UBE2C: variants seen among roughly 807,000 people sequenced by gnomAD.
UBE2C encodes the protein ubiquitin-conjugating enzyme E2 C.
UBE2C carries 16 observed loss-of-function variants against 23.5 expected under a neutral mutation model. The observed-to-expected ratio is 0.68, with a 90% CI of 0.46 to 1.03. The LOEUF is 1.03. Ranked by LOEUF, UBE2C falls within the 50% of genes least tolerant of loss-of-function variation. The pLI is 0.00. For missense variants in UBE2C, 192 were observed against 227.6 expected (o/e 0.84, Z 1.01); for synonymous variants, 76 against 91.6 (o/e 0.83, Z 0.97).
At chr20:45,812,889 C>A in intron 1 of UBE2C, 93 bp downstream of exon 1, 1 of 1,455,108 alleles carries the variant, frequency 6.9e-7, no homozygotes, top group Non-Finnish European at 9.1e-7. Flanking sequence ...CCGCCGCCAC[C>A]TCCTGGAGCG....
In UBE2C at chr20:45,816,288, T is replaced by C. The variant is rs529657358; in HGVS notation, c.481+375T>C. Among the ~76,000 whole-genome samples, 6 of 152,194 alleles carry C rather than the reference T, an allele frequency of 3.9e-5. No homozygotes were observed. In the East Asian group the frequency reaches 1.2e-3, roughly 29 times the overall value. On this transcript the variant is annotated intron_variant, in intron 5 of 5. Transcript: ENST00000356455. ...AATGCCGGGCTGGGAAACCAGCCCC[T>C]CCTCCACCTCCTCCGACCTTTGCAT...
chr20:45,814,146 C>CTCTCTCTATATATATATA (rs1158772080), intron 2 of UBE2C, among the ~76,000 whole-genome samples: 1 of 133,898 alleles, frequency 7.5e-6, no homozygotes, highest in African/African-American at 2.7e-5. Flanking sequence ...CTCTCTCTCT[C>CTCTCTCTATATATATATA]TATATATATA....
intron 1 of UBE2C, chr20:45,813,219 A>G (rs926896503): frequency 6.9e-7 from 1 of 1,454,808 alleles, no homozygotes; most frequent in Non-Finnish European, 9.0e-7. Context: ...AATTAAGAAC[A>G]TGCCAGAATC....
intron 5 of UBE2C, among the ~76,000 whole-genome samples, chr20:45,816,248 G>A (rs1378796222): frequency 3.3e-5 from 5 of 152,164 alleles, no homozygotes; most frequent in South Asian, 2.1e-4. Flanking sequence ...CTGCCTAGAT[G>A]GGCAGTGCAG....
At chr20:45,814,301 A>AT (rs1568714809) in intron 2 of UBE2C, 83 bp from the exon 3 acceptor site, 3 of 469,808 alleles carry the variant, frequency 6.4e-6, no homozygotes, top group African/African-American at 5.5e-5. Flanking sequence ...TATATATATA[A>AT]AATTAAGGGG....
chr20:45,813,157 C>G, intron 1 of UBE2C: 2 of 1,403,376 alleles, frequency 1.4e-6, no homozygotes, highest in Non-Finnish European at 1.8e-6. Context: ...TTGGCCGAGA[C>G]AGGGGAAGGG....
chr20:45,815,295 G>T, intron 3 of UBE2C: 1 of 1,352,364 alleles, frequency 7.4e-7, no homozygotes. Flanking sequence ...GAGGCAGGCA[G>T]ATCACATGAG....
chr20:45,815,713 C>G lies in UBE2C; in HGVS notation c.389C>G (p.Thr130Ser), dbSNP rs371311367. 1 of 1,613,870 alleles carries G rather than the reference C, an allele frequency of 6.2e-7. No homozygotes were observed. The highest frequency in any genetic ancestry group is 8.5e-7 in the Non-Finnish European group (1 of 1,179,958). Residue 130 changes from threonine to serine, a missense_variant, in exon 4 of 6, where the codon ACC (threonine) becomes AGC (serine). Physicochemically the swap from Thr to Ser is moderately conservative, Grantham distance 58. Coordinates refer to ENST00000356455, the MANE Select transcript of UBE2C (RefSeq NM_007019.4). ...TGGTCTGCCCTGTATGATGTCAGGA[C>G]CATTCTGCTCTCCATCCAGAGCCTT... ...EKWSALYDVR[T>S]ILLSIQSLLG...
Position 45,815,641 on chromosome 20 carries a change from A to C in UBE2C, c.317A>C (p.Asn106Thr). 2 of 1,614,052 alleles carry C rather than the reference A, an allele frequency of 1.2e-6. No individual in the cohort carries two copies. Among genetic ancestry groups the C allele is most frequent in the Non-Finnish European group, 1.7e-6 (2 of 1,180,016 alleles). Reference sequence around the variant, plus strand: ...TTCCTCACGCCCTGCTATCACCCCAACGTGGACACCCAGGGTAACATATGC... The same window carrying C: ...TTCCTCACGCCCTGCTATCACCCCACCGTGGACACCCAGGGTAACATATGC... ...VKFLTPCYHP[N>T]VDTQGNICLD... is the part of the protein sequence containing the mutation. Residue 106 changes from asparagine to threonine, a missense_variant, in exon 4 of 6, where the codon AAC becomes ACC. Transcript: ENST00000356455.
At chr20:45,814,295 T>C in intron 2 of UBE2C, 89 bp from the exon 3 acceptor site, 1 of 348,702 alleles carries the variant, frequency 2.9e-6, no homozygotes, top group Non-Finnish European at 4.7e-6. Context: ...TATATATATA[T>C]ATATAAAATT....
chr20:45,815,573 A>G lies in UBE2C; in HGVS notation c.249A>G (p.Leu83=). 1.2e-6 allele frequency: 2 copies of G among 1,614,094 alleles called. No homozygotes were observed. Among genetic ancestry groups the G allele is most frequent in the South Asian group, 2.2e-5 (2 of 91,084 alleles). The change falls in exon 4 of 6, where the codon CTA becomes CTG. Residue 83 remains leucine (L), a synonymous_variant. Coordinates refer to ENST00000356455, the MANE Select transcript of UBE2C (RefSeq NM_007019.4). The part of the protein sequence containing the change: ...VYEDLRYKLS[L]EFPSGYPYNA... ...AAGACCTGAGGTATAAGCTCTCGCTAGAGTTCCCCAGTGGCTACCCTTACA... is the reference window on the plus strand; with the variant it reads ...AAGACCTGAGGTATAAGCTCTCGCTGGAGTTCCCCAGTGGCTACCCTTACA...
At position 45,816,678 on chromosome 20, in the gene UBE2C, C is replaced by T. The variant is rs370654582; in HGVS notation, c.482-31C>T. 183 of 1,599,350 alleles carry T rather than the reference C, an allele frequency of 1.1e-4. 4 individuals carry two copies. The highest frequency in any genetic ancestry group is 9.7e-4 in the South Asian group (87 of 89,666). On this transcript the variant is annotated intron_variant, in intron 5 of 5. Transcript: ENST00000356455. ...AAAGATTAACTCATCCTGTCTCCATCACTCACTGAGACCTGCCTGTTCTCT... is the reference window on the plus strand; with the variant it reads ...AAAGATTAACTCATCCTGTCTCCATTACTCACTGAGACCTGCCTGTTCTCT...
intron 2 of UBE2C, among the ~76,000 whole-genome samples, chr20:45,813,981 TGTAATTTCAGCTACTCGG>T (rs1033133822): frequency 6.6e-6 from 1 of 151,796 alleles, no homozygotes; most frequent in Non-Finnish European, 1.5e-5. Flanking sequence ...GGTGCATGCC[TGTAATTTCAGCTACTCGG>T]GAGGCTGAGG....
chr20:45,815,642 C>G lies in UBE2C; in HGVS notation c.318C>G (p.Asn106Lys). The change falls in exon 4 of 6, where the codon AAC (asparagine) becomes AAG (lysine). Residue 106 changes from asparagine to lysine, a missense_variant. Coordinates refer to ENST00000356455, the MANE Select transcript of UBE2C (RefSeq NM_007019.4). The stretch of plus-strand genomic sequence containing the variant: ...TCCTCACGCCCTGCTATCACCCCAA[C>G]GTGGACACCCAGGGTAACATATGCC... ...VKFLTPCYHP[N>K]VDTQGNICLD... 1.2e-6 allele frequency: 2 copies of G among 1,614,196 alleles called. No individual in the cohort carries two copies. The highest frequency in any genetic ancestry group is 1.7e-6 in the Non-Finnish European group (2 of 1,180,046).
chr20:45,812,925 C>G, intron 1 of UBE2C, 129 bp downstream of exon 1: 2 of 1,432,918 alleles, frequency 1.4e-6, no homozygotes, highest in Non-Finnish European at 1.8e-6. Flanking sequence ...CAGGAGAACA[C>G]ACCAGGAGCT....
intron 2 of UBE2C, among the ~76,000 whole-genome samples, chr20:45,813,844 C>T (rs1325400731): frequency 6.6e-6 from 1 of 152,076 alleles, no homozygotes; most frequent in Non-Finnish European, 1.5e-5. Context: ...TAGCTCACAC[C>T]TTATAATCCC....
At chr20:45,814,338 G>A in intron 2 of UBE2C, 46 bp from the exon 3 acceptor site, 1 of 1,484,702 alleles carries the variant, frequency 6.7e-7, no homozygotes, top group South Asian at 1.2e-5. Context: ...CCTTTGCTAT[G>A]CCCAAAAGTG....
rs1331039542 is a variant in UBE2C, at chr20:45,815,345, C to T, written c.217-196C>T. Reference sequence around the variant, plus strand: ...ACTGGCCTGGGCAACATGGTGAAACCCTGTCTCTAAAATAAAAACTAAACT... The same window carrying T: ...ACTGGCCTGGGCAACATGGTGAAACTCTGTCTCTAAAATAAAAACTAAACT... On this transcript the variant is annotated intron_variant, in intron 3 of 5. Transcript: ENST00000356455. The T allele has an allele frequency of 5.8e-6, 9 of 1,549,050 alleles. No homozygotes were observed. In the East Asian group the frequency reaches 9.0e-5, roughly 15 times the overall value.
rs1467881661 is a variant in UBE2C at position 45,812,750 on chromosome 20, G to A, written c.55G>A (p.Gly19Arg). 1 of 1,558,346 alleles carries A rather than the reference G, an allele frequency of 6.4e-7. No individual in the cohort carries two copies. The highest frequency in any genetic ancestry group is 8.7e-7 in the Non-Finnish European group (1 of 1,151,144). The change falls in exon 1 of 6, where the codon GGA (glycine) becomes AGA (arginine). Residue 19 changes from glycine to arginine, a missense_variant. Coordinates refer to ENST00000356455, the MANE Select transcript of UBE2C (RefSeq NM_007019.4). ...CACTAGCGTCGCCGCCGCCCGTAAA[G>A]GAGCTGAGCCGAGCGGGGGCGCCGC... ...AATSVAAARK[G>R]AEPSGGAARG...
Sources: gnomAD v4.1 joint callset for allele counts (sites outside exome capture counted in the v4.1 genomes callset) on GRCh38, gnomAD v4.1.1 for gene constraint, MANE v1.5 for transcripts, NCBI Gene and HGNC (gene_info 2026-07-23, HGNC 2026-07-21) for gene names.